The following ABCC11 variants were observed in gnomAD, a reference collection of about 807,000 sequenced individuals.
ABCC11 encodes ATP binding cassette subfamily C member 11, also known as ATP-binding cassette sub-family C member 11.
Under a neutral mutation model 149.3 loss-of-function variants are expected in ABCC11, and 135 were observed. That is an observed-to-expected ratio of 0.90 (90% CI 0.79 to 1.04). ABCC11 has a LOEUF of 1.04. ABCC11 is among the 50% of genes least tolerant of loss of function. The pLI, the probability that ABCC11 is intolerant of heterozygous loss-of-function variation, is 0.00. For missense variants in ABCC11, 1,680 were observed against 1,722.1 expected (o/e 0.98, Z 0.43); for synonymous variants, 665 against 671.4 (o/e 0.99, Z 0.15).
chr16:48,226,669 A>G (rs565546442), intron 4 of ABCC11, among the ~76,000 whole-genome samples: 1 of 152,238 alleles, frequency 6.6e-6, no homozygotes, highest in East Asian at 1.9e-4. Context: ...AATATCTGGC[A>G]TTATCCAAAA....
In ABCC11 at chr16:48,236,313, G is replaced by A. The variant is rs970802452; in HGVS notation, c.-18-4374C>T. 2.6e-5 allele frequency among the ~76,000 whole-genome samples: 4 copies of A among 152,236 alleles called. No homozygotes were observed. The East Asian group carries it at 7.7e-4, about 29-fold the overall frequency. ...TCTCCTCCCACCTCCTTGCAGAGCT[G>A]GTTCATTCTTGACATTCAGGACTCT... On this transcript the variant is annotated intron_variant, in intron 1 of 29. Transcript: ENST00000356608.
In ABCC11 at chr16:48,231,806, C is replaced by CT. The variant is rs780769934; in HGVS notation, c.99+16dup. On this transcript the variant is annotated intron_variant, in intron 2 of 29. Coordinates refer to ENST00000356608, the MANE Select transcript of ABCC11 (RefSeq NM_001370497.1). ...AACTCAGTTTCCTGGTGTGCTGATG[C>CT]TAAGAGATCTACTTACATAAATAAG... The CT allele has an allele frequency of 1.2e-5, 19 of 1,612,326 alleles. No homozygotes were observed. The highest frequency in any genetic ancestry group is 3.3e-5 in the Admixed American group (2 of 59,870).
rs568737675 is a variant in ABCC11, at chr16:48,222,614, T to G, written c.761A>C (p.His254Pro). ...GCTGCTTACCTCTCCTGAGGTGATG[T>G]GTATTACAGACTTAAATTGGATGAG... ...EKLIQFKSVI[H>P]ITSGEAISFF... The change falls in exon 6 of 30, where the codon CAC becomes CCC. Residue 254 changes from histidine (H) to proline (P), a missense_variant. Coordinates refer to ENST00000356608, the MANE Select transcript of ABCC11 (RefSeq NM_001370497.1). 36 of 1,614,118 alleles carry G rather than the reference T, an allele frequency of 2.2e-5. 1 individual carries two copies. In the Middle Eastern group the frequency reaches 4.9e-4, roughly 22 times the overall value.
At chr16:48,200,169 G>A in intron 15 of ABCC11, 107 bp downstream of exon 15, 1 of 1,230,288 alleles carries the variant, frequency 8.1e-7, no homozygotes, top group East Asian at 2.4e-5. Flanking sequence ...AACCTGAGAT[G>A]AGGACAGCTG....
intron 17 of ABCC11, among the ~76,000 whole-genome samples, chr16:48,197,342 G>A (rs1223159103): frequency 1.3e-5 from 2 of 152,170 alleles, no homozygotes; most frequent in Non-Finnish European, 2.9e-5. Flanking sequence ...GACTCAGTTG[G>A]AGACAGGAGC....
intron 1 of ABCC11, chr16:48,244,670 G>T: frequency 7.9e-7 from 1 of 1,268,366 alleles, no homozygotes; most frequent in Non-Finnish European, 1.0e-6. Flanking sequence ...GGCCTCCTCC[G>T]GGGACCTGGG....
rs552481264 is a variant in ABCC11 at position 48,202,553 on chromosome 16, G to A, written c.1878+675C>T. 1.1e-4 allele frequency among the ~76,000 whole-genome samples: 17 copies of A among 151,904 alleles called. No homozygotes were observed. The South Asian group carries it at 3.5e-3, about 32-fold the overall frequency. ...TTGAATCTGGGAGGTGGAGGTTGCA[G>A]TGAGTCGAGATCGCACCACTGCACT... On this transcript the variant is annotated intron_variant, in intron 14 of 29. Coordinates refer to ENST00000356608, the MANE Select transcript of ABCC11 (RefSeq NM_001370497.1).
chr16:48,195,965 G>A (rs558458101), intron 18 of ABCC11, among the ~76,000 whole-genome samples: 1 of 152,222 alleles, frequency 6.6e-6, no homozygotes, highest in African/African-American at 2.4e-5. Context: ...AAGACCCCAT[G>A]TCTATTCTAT....
At chr16:48,226,402 GCA>G (rs1970077711) in intron 4 of ABCC11, among the ~76,000 whole-genome samples, 2 of 151,598 alleles carry the variant, frequency 1.3e-5, no homozygotes, top group African/African-American at 4.9e-5. Context: ...AGCCTCCTGA[GCA>G]GCTGGGACTA....
rs1180184191 is a variant in ABCC11, at chr16:48,224,388, ATCCC to A, written c.433_436del (p.Gly145LeufsTer9). 6.2e-7 allele frequency: 1 copy of A among 1,614,018 alleles called. No individual in the cohort carries two copies. The highest frequency in any genetic ancestry group is 8.5e-7 in the Non-Finnish European group (1 of 1,180,004). On this transcript the variant is annotated frameshift_variant, in exon 5 of 30. Transcript: ENST00000356608. LOFTEE classifies it high-confidence loss of function. The stretch of plus-strand genomic sequence containing the variant: ...CACCAGAAGCACTGAAGCTTTTTCA[ATCCC>A]TCGCCTTGAGACTTCTTCTTCCCAA...
chr16:48,234,573 G>A (rs540732270), intron 1 of ABCC11, among the ~76,000 whole-genome samples: 2 of 152,326 alleles, frequency 1.3e-5, no homozygotes, highest in African/African-American at 4.8e-5. Flanking sequence ...TCTATGGGCT[G>A]TGGCTGGCTG....
intron 13 of ABCC11, 78 bp downstream of exon 13, chr16:48,205,335 G>C: frequency 1.3e-6 from 2 of 1,581,846 alleles, no homozygotes; most frequent in Non-Finnish European, 8.6e-7. Flanking sequence ...GCAGTTGTCA[G>C]GTTACCGTTT....
At chr16:48,213,265 C>T (rs534511597) in intron 10 of ABCC11, among the ~76,000 whole-genome samples, 178 bp downstream of exon 10, 12 of 152,324 alleles carry the variant, frequency 7.9e-5, no homozygotes, top group Admixed American at 5.9e-4. Context: ...AGACCTGACC[C>T]GATTCATCTG....
chr16:48,217,893 G>A (rs557516746), intron 6 of ABCC11, among the ~76,000 whole-genome samples: 15 of 151,874 alleles, frequency 9.9e-5, no homozygotes, highest in Non-Finnish European at 2.1e-4. Flanking sequence ...TTTCTGTTGC[G>A]AAACATTCAC....
intron 11 of ABCC11, chr16:48,210,260 A>G (rs1473341290): frequency 6.6e-6 from 1 of 151,696 alleles, no homozygotes; most frequent in Non-Finnish European, 1.5e-5. Flanking sequence ...TCCAGAAGAT[A>G]CTTCAAGGCT....
intron 28 of ABCC11, among the ~76,000 whole-genome samples, chr16:48,169,627 G>A (rs1965566092): frequency 6.6e-6 from 1 of 151,974 alleles, no homozygotes; most frequent in Non-Finnish European, 1.5e-5. Context: ...GGACATGGAT[G>A]AAGCTGGAAA....
rs1965391969 is a variant in ABCC11, at chr16:48,167,322, C to T, written c.4101G>A (p.Gly1367=). The T allele has an allele frequency of 2.0e-6, 2 of 991,084 alleles. No individual in the cohort carries two copies. The highest frequency in any genetic ancestry group is 1.6e-5 in the African/African-American group (1 of 62,740). The allele number at this position is 991,084 out of a possible 1,614,324, so 61.4% of individuals were successfully genotyped here. Reference sequence around the variant, plus strand: ...TGGCCATGAGGGCTGCGAACAATGACCCAGGCTTCTTCCGCAGTACCTCCG... The same window carrying T: ...TGGCCATGAGGGCTGCGAACAATGATCCAGGCTTCTTCCGCAGTACCTCCG... ...DRPEVLRKKP[G]SLFAALMATA... is the part of the protein sequence containing the mutation. Residue 1367 remains glycine, a synonymous_variant, in exon 30 of 30, where the codon GGG becomes GGA. Coordinates refer to ENST00000356608, the MANE Select transcript of ABCC11 (RefSeq NM_001370497.1).
intron 23 of ABCC11, among the ~76,000 whole-genome samples, chr16:48,183,455 GA>G (rs1436845916): frequency 2.6e-5 from 4 of 152,230 alleles, no homozygotes; most frequent in African/African-American, 9.6e-5. Flanking sequence ...ATCTCCTACA[GA>G]ACCCGTTTTA....
chr16:48,240,293 G>T (rs2097545470), intron 1 of ABCC11, among the ~76,000 whole-genome samples: 1 of 152,140 alleles, frequency 6.6e-6, no homozygotes, highest in South Asian at 2.1e-4. Context: ...ATCAACAATA[G>T]ACTGGATAAA....
Sources: allele counts gnomAD v4.1 joint callset (sites outside exome capture counted in the v4.1 genomes callset), GRCh38; gene constraint gnomAD v4.1.1; transcripts MANE v1.5; gene names NCBI Gene and HGNC (gene_info 2026-07-23, HGNC 2026-07-21).